TBX5: variants seen among roughly 807,000 people sequenced by gnomAD.
TBX5 encodes T-box transcription factor 5, also known as T-box transcription factor TBX5.
Under a neutral mutation model 51.1 loss-of-function variants are expected in TBX5, and 8 were observed. The ratio of observed to expected loss-of-function variants is 0.16; its 90% CI spans 0.09 to 0.28. TBX5 has a LOEUF of 0.28. Among genes scored for constraint, TBX5 ranks in the 10% least tolerant of loss-of-function variants. TBX5 has a pLI of 1.00. For missense variants in TBX5, 589 were observed against 671.7 expected (o/e 0.88, Z 1.36); for synonymous variants, 302 against 266.4 (o/e 1.13, Z -1.30).
At chr12:114,362,084 T>C (rs1248420577) in intron 8 of TBX5, among the ~76,000 whole-genome samples, 1 of 152,048 alleles carries the variant, frequency 6.6e-6, no homozygotes, top group African/African-American at 2.4e-5. Context: ...CACCTTGTTA[T>C]CGCCAACCAG....
At chr12:114,394,225 G>T (rs1318973231) in intron 6 of TBX5, among the ~76,000 whole-genome samples, 1 of 152,220 alleles carries the variant, frequency 6.6e-6, no homozygotes, top group East Asian at 1.9e-4. Flanking sequence ...TGAGGCAAGA[G>T]GATCTCTTGA....
intron 7 of TBX5, among the ~76,000 whole-genome samples, chr12:114,378,631 G>GTTTGTTTTGTTTTGTTTGT: frequency 6.6e-6 from 1 of 152,044 alleles, no homozygotes; most frequent in East Asian, 2.0e-4. Context: ...GTTTTGTTTT[G>GTTTGTTTTGTTTTGTTTGT]TTTGTTTTGT....
intron 1 of TBX5, among the ~76,000 whole-genome samples, chr12:114,405,011 T>G (rs2136426578): frequency 6.6e-6 from 1 of 152,300 alleles, no homozygotes; most frequent in Middle Eastern, 3.4e-3. Flanking sequence ...CTCTCTGATC[T>G]CCTTCCAATC....
rs1872018432 is a variant in TBX5, at chr12:114,403,929, G to T, written c.-31C>A. The stretch of plus-strand genomic sequence containing the variant: ...GCCCAGGGCCCTGTGCCCGCGCAAG[G>T]TTCTGCTCTGAGGACAAGAAGCAGG... On this transcript the variant is annotated 5_prime_UTR_variant, in exon 2 of 9. Coordinates refer to ENST00000405440, the MANE Select transcript of TBX5 (RefSeq NM_181486.4). 2 of 1,605,858 alleles carry T rather than the reference G, an allele frequency of 1.2e-6. No homozygotes were observed. The highest frequency in any genetic ancestry group is 1.1e-5 in the South Asian group (1 of 90,752).
intron 7 of TBX5, among the ~76,000 whole-genome samples, chr12:114,369,432 C>T (rs923009926): frequency 4.6e-5 from 7 of 152,206 alleles, no homozygotes; most frequent in African/African-American, 1.2e-4. Context: ...CAACACCGAT[C>T]GTGAACATCT....
chr12:114,407,237 G>A (rs1348676464), upstream of TBX5: 1 of 315,816 alleles, frequency 3.2e-6, no homozygotes, highest in Non-Finnish European at 4.6e-6. Flanking sequence ...CTTTGCTATG[G>A]TGCTCACTCC....
chr12:114,404,201 C>T (rs1361467334), intron 1 of TBX5, among the ~76,000 whole-genome samples: 1 of 152,098 alleles, frequency 6.6e-6, no homozygotes, highest in Non-Finnish European at 1.5e-5. Context: ...AAGGTGAGGC[C>T]CGCATCTCCC....
rs143181818 is a variant in TBX5 at position 114,384,006 on chromosome 12, G to A, written c.755+1470C>T. Among the ~76,000 whole-genome samples the A allele has an allele frequency of 2.7e-4, 41 of 152,302 alleles. 1 individual carries two copies. The East Asian group carries it at 7.1e-3, about 27-fold the overall frequency. On this transcript the variant is annotated intron_variant, in intron 7 of 8. Transcript: ENST00000405440. ...AAGTTGGCACTCTGAGCCCAGGGCC[G>A]TGAATTATTGAACCTCTTTCAGCTA...
At chr12:114,389,075 C>T (rs946981512) in intron 6 of TBX5, among the ~76,000 whole-genome samples, 3 of 151,958 alleles carry the variant, frequency 2.0e-5, no homozygotes, top group African/African-American at 4.8e-5. Flanking sequence ...ATGACAGGTG[C>T]CCACCAACAC....
At chr12:114,395,951 C>T (rs2136412512) in intron 5 of TBX5, among the ~76,000 whole-genome samples, 1 of 152,256 alleles carries the variant, frequency 6.6e-6, no homozygotes, top group South Asian at 2.1e-4. Flanking sequence ...TTTACCAGAA[C>T]GCTCTGACAC....
chr12:114,364,574 C>T lies in TBX5; in HGVS notation c.982+1591G>A, dbSNP rs577896694. On this transcript the variant is annotated intron_variant, in intron 8 of 8. Coordinates refer to ENST00000405440, the MANE Select transcript of TBX5 (RefSeq NM_181486.4). ...TGATTCTACAGACCACAGATGTAAA[C>T]TTTAGCCTACCCCATCCCTTCTGTA... Among the ~76,000 whole-genome samples the T allele has an allele frequency of 3.3e-5, 5 of 152,240 alleles. No homozygotes were observed. In the East Asian group the frequency reaches 9.7e-4, roughly 29 times the overall value.
intron 8 of TBX5, among the ~76,000 whole-genome samples, chr12:114,359,113 G>C (rs1007137111): frequency 2.0e-5 from 3 of 152,112 alleles, no homozygotes; most frequent in African/African-American, 7.2e-5. Context: ...ATAAGAAAAC[G>C]GCCGGAACAC....
At chr12:114,373,237 A>G (rs11067083) in intron 7 of TBX5, among the ~76,000 whole-genome samples, 33,973 of 152,008 alleles carry the variant, frequency 0.22, 4,044 homozygotes, top group Non-Finnish European at 0.26. Flanking sequence ...CTCAAACTAT[A>G]GAGATGGTTC....
Position 114,406,097 on chromosome 12 carries a change from T to G in TBX5, c.-508A>C. 1.1e-6 allele frequency: 1 copy of G among 934,760 alleles called. No individual in the cohort carries two copies. The highest frequency in any genetic ancestry group is 1.2e-4 in the East Asian group (1 of 8,488). 57.9% of individuals were successfully genotyped at this position (934,760 alleles called of 1,614,324 possible). A position where few individuals can be genotyped will look rare whatever the true frequency, so the allele number is the denominator to read the frequency against. On this transcript the variant is annotated 5_prime_UTR_variant, in exon 1 of 9. Coordinates refer to ENST00000405440, the MANE Select transcript of TBX5 (RefSeq NM_181486.4). ...CTCTCTCTCTGAAATACAAGCCAAC[T>G]CAGCTGAGCACAGTGACGTTGGGTT...
At chr12:114,407,928 A>C (rs1872328985), upstream of TBX5, 2 of 985,368 alleles carry the variant, frequency 2.0e-6, no homozygotes, top group Non-Finnish European at 1.2e-6. Context: ...TCTTTAGGCC[A>C]GGTCTTCTTC....
chr12:114,403,975 AC>A, intron 1 of TBX5, 39 bp from the exon 2 acceptor site: 9 of 1,568,448 alleles, frequency 5.7e-6, no homozygotes, highest in Non-Finnish European at 7.7e-6. Context: ...GGTGGGGAGG[AC>A]AGAGAGAGAA....
Position 114,371,587 on chromosome 12 carries a change from GTT to G in TBX5, c.756-5198_756-5197del, listed in dbSNP as rs57151200. ...GGCGCTGGCATGTTCAGATTTTTGT[GTT>G]TTTTTTTTTTTTTTTTTCCTGGTGA... On this transcript the variant is annotated intron_variant, in intron 7 of 8. Coordinates refer to ENST00000405440, the MANE Select transcript of TBX5 (RefSeq NM_181486.4). 2.1e-3 allele frequency among the ~76,000 whole-genome samples: 258 copies of G among 121,652 alleles called. 1 individual carries two copies. The highest frequency in any genetic ancestry group is 6.5e-3 in the African/African-American group (212 of 32,750). 79.8% of individuals were successfully genotyped at this position (121,652 alleles called of 152,430 possible).
intron 6 of TBX5, among the ~76,000 whole-genome samples, chr12:114,387,212 A>T (rs1026482304): frequency 2.0e-5 from 3 of 152,190 alleles, no homozygotes; most frequent in African/African-American, 7.2e-5. Flanking sequence ...TCCCAGTAGT[A>T]TAGTTACAGA....
chr12:114,408,322 C>A, upstream of TBX5: 1 of 651,620 alleles, frequency 1.5e-6, no homozygotes, highest in Non-Finnish European at 1.9e-6. Flanking sequence ...CCAAGATCGA[C>A]TTTCTTAGGA....
Sources: gnomAD v4.1 joint callset for allele counts (sites outside exome capture counted in the v4.1 genomes callset) on GRCh38, gnomAD v4.1.1 for gene constraint, MANE v1.5 for transcripts, NCBI Gene and HGNC (gene_info 2026-07-23, HGNC 2026-07-21) for gene names.